GPC5: variants seen among roughly 807,000 people sequenced by gnomAD.
GPC5 encodes the protein glypican-5.
In GPC5, 47 loss-of-function variants were observed where a neutral mutation model predicts 53.9. The observed-to-expected ratio is 0.87, with a 90% CI of 0.69 to 1.11. GPC5 has a LOEUF of 1.11. Among genes scored for constraint, GPC5 ranks in the 50% most tolerant of loss-of-function variants. The probability of loss-of-function intolerance (pLI) is 0.00; values close to 1 mark genes in which losing one functional copy is unlikely to be tolerated. For synonymous variants in GPC5, 286 were observed against 263.3 expected, an observed-to-expected ratio of 1.09 and a Z score of -0.84; for missense variants, 748 against 713.1, an observed-to-expected ratio of 1.05 and a Z score of -0.56.
Position 92,248,202 on chromosome 13 carries a change from G to GA in GPC5, c.1561+103226dup, listed in dbSNP as rs56862631. On this transcript the variant is annotated intron_variant, in intron 7 of 7. Transcript: ENST00000377067. ...ATGTAAAATAGAGGTATGGCCATAG[G>GA]AAAAAAAAAAAAACAGATTTTTAGC... Among the ~76,000 whole-genome samples, 382 of 148,356 alleles carry GA rather than the reference G, an allele frequency of 2.6e-3. 2 individuals carry two copies. The highest frequency in any genetic ancestry group is 0.017 in the Middle Eastern group (5 of 286).
chr13:92,484,400 C>T (rs1052226012), intron 7 of GPC5, among the ~76,000 whole-genome samples: 6 of 152,100 alleles, frequency 3.9e-5, no homozygotes, highest in Non-Finnish European at 7.3e-5. Context: ...ATACCTAAAC[C>T]AGTAGCTTAG....
At chr13:91,706,122 G>T (rs570098387) in intron 3 of GPC5, among the ~76,000 whole-genome samples, 7 of 151,390 alleles carry the variant, frequency 4.6e-5, no homozygotes, top group South Asian at 2.1e-4. Flanking sequence ...CTCATGATCC[G>T]CCCACCTTGG....
chr13:92,766,961 A>T (rs1875427741), intron 7 of GPC5, among the ~76,000 whole-genome samples: 2 of 152,216 alleles, frequency 1.3e-5, no homozygotes, highest in South Asian at 2.1e-4. Flanking sequence ...GTGAAAGAAG[A>T]GTCCAGTATT....
intron 4 of GPC5, among the ~76,000 whole-genome samples, chr13:91,754,022 A>G (rs911909253): frequency 1.3e-5 from 2 of 152,172 alleles, no homozygotes; most frequent in Non-Finnish European, 2.9e-5. Context: ...TTTATAGATG[A>G]TGGTTCATAG....
chr13:92,435,980 T>C (rs1877290149), intron 7 of GPC5, among the ~76,000 whole-genome samples: 1 of 152,228 alleles, frequency 6.6e-6, no homozygotes, highest in South Asian at 2.1e-4. Flanking sequence ...TTAAGATTTA[T>C]ATTTTTAATC....
chr13:91,923,609 A>G (rs2039738849), intron 6 of GPC5, among the ~76,000 whole-genome samples: 2 of 152,224 alleles, frequency 1.3e-5, no homozygotes, highest in Non-Finnish European at 2.9e-5. Flanking sequence ...TATGTTTCAC[A>G]TTGATGTGAT....
At chr13:92,365,446 AC>A (rs1319212334) in intron 7 of GPC5, among the ~76,000 whole-genome samples, 1 of 151,648 alleles carries the variant, frequency 6.6e-6, no homozygotes. Context: ...CTAGGACACT[AC>A]ACTAGACTTT....
intron 7 of GPC5, among the ~76,000 whole-genome samples, chr13:92,813,779 T>G (rs576900228): frequency 6.6e-6 from 1 of 152,182 alleles, no homozygotes; most frequent in South Asian, 2.1e-4. Context: ...AACATGCTCA[T>G]GTTCTAAAAG....
intron 7 of GPC5, among the ~76,000 whole-genome samples, chr13:92,627,957 A>G (rs1171471462): frequency 6.6e-6 from 1 of 152,178 alleles, no homozygotes; most frequent in African/African-American, 2.4e-5. Flanking sequence ...ACTGCTCTCT[A>G]ATATGACATT....
intron 2 of GPC5, among the ~76,000 whole-genome samples, chr13:91,648,555 CAT>C (rs1234872771): frequency 1.3e-5 from 2 of 151,972 alleles, no homozygotes; most frequent in East Asian, 3.9e-4. Flanking sequence ...TATTTTATAA[CAT>C]ATTTATTGTA....
intron 6 of GPC5, among the ~76,000 whole-genome samples, chr13:92,076,045 T>C (rs776531973): frequency 3.3e-5 from 5 of 151,710 alleles, no homozygotes; most frequent in Non-Finnish European, 7.4e-5. Flanking sequence ...AGATAAACCA[T>C]GTGTCTTAGA....
chr13:91,619,683 C>T lies in GPC5; in HGVS notation c.326-73504C>T, dbSNP rs11839526. On this transcript the variant is annotated intron_variant, in intron 2 of 7. Transcript: ENST00000377067. ...CTGCACAATGGAGACAATGATGTGC[C>T]GATCTGTATAAGAATGTGTGAAATG... Among the ~76,000 whole-genome samples the T allele has an allele frequency of 9.8e-3, 1,489 of 152,080 alleles. 29 individuals are homozygous for T. The highest frequency in any genetic ancestry group is 0.034 in the African/African-American group (1,424 of 41,476).
At chr13:92,395,312 C>T (rs936538416) in intron 7 of GPC5, among the ~76,000 whole-genome samples, 5 of 152,060 alleles carry the variant, frequency 3.3e-5, no homozygotes, top group Admixed American at 3.3e-4. Flanking sequence ...TATAAATGTT[C>T]AACTAATTTA....
intron 6 of GPC5, among the ~76,000 whole-genome samples, chr13:92,019,146 A>G (rs1007023595): frequency 6.6e-6 from 1 of 151,970 alleles, no homozygotes; most frequent in Non-Finnish European, 1.5e-5. Context: ...GTTGTTATTT[A>G]TTATTGCCTT....
At chr13:92,666,514 C>T (rs1261432241) in intron 7 of GPC5, among the ~76,000 whole-genome samples, 2 of 141,124 alleles carry the variant, frequency 1.4e-5, no homozygotes, top group Non-Finnish European at 3.2e-5. Flanking sequence ...GCTAATTATA[C>T]ATAATCAATA....
chr13:92,202,866 T>G (rs2139062902), intron 7 of GPC5, among the ~76,000 whole-genome samples: 1 of 152,326 alleles, frequency 6.6e-6, no homozygotes, highest in African/African-American at 2.4e-5. Flanking sequence ...TAGGATAGCA[T>G]TCTTCTGAAG....
intron 7 of GPC5, among the ~76,000 whole-genome samples, chr13:92,527,661 A>T (rs1881414561): frequency 1.3e-5 from 2 of 152,190 alleles, no homozygotes; most frequent in South Asian, 4.1e-4. Context: ...AGCTTAGTTT[A>T]TAAAGCTGCT....
At chr13:91,618,182 A>C (rs1385841117) in intron 2 of GPC5, among the ~76,000 whole-genome samples, 1 of 152,130 alleles carries the variant, frequency 6.6e-6, no homozygotes, top group African/African-American at 2.4e-5. Context: ...AATGATTTAG[A>C]AAGTAGTCCA....
At chr13:92,736,131 T>C (rs1888928251) in intron 7 of GPC5, among the ~76,000 whole-genome samples, 1 of 152,072 alleles carries the variant, frequency 6.6e-6, no homozygotes, top group African/African-American at 2.4e-5. Flanking sequence ...TTCTGATTTA[T>C]GAACAAATTG....
Sources: allele counts gnomAD v4.1 joint callset (sites outside exome capture counted in the v4.1 genomes callset), GRCh38; gene constraint gnomAD v4.1.1; transcripts MANE v1.5; gene names NCBI Gene and HGNC (gene_info 2026-07-23, HGNC 2026-07-21).